The following UBAP2 variants were observed in gnomAD, a reference collection of about 807,000 sequenced individuals.
The protein encoded by UBAP2 is ubiquitin associated protein 2, also known as ubiquitin-associated protein 2.
Under a neutral mutation model 139.6 loss-of-function variants are expected in UBAP2, and 75 were observed. The observed-to-expected ratio is 0.54, with a 90% confidence interval of 0.45 to 0.65. The LOEUF (loss-of-function observed/expected upper bound fraction) is 0.65, where lower values mean the gene tolerates loss of function less well. Ranked by LOEUF, UBAP2 falls within the 30% of genes least tolerant of loss-of-function variation. UBAP2 has a pLI of 0.00. For missense variants in UBAP2, 1,368 were observed against 1,369.6 expected (o/e 1.00, Z 0.02); for synonymous variants, 526 against 526.2 (o/e 1.00, Z 0.01).
At position 33,927,873 on chromosome 9, in the gene UBAP2, C is replaced by T. The variant is rs761575885; in HGVS notation, c.2295G>A (p.Ala765=). ...GGGTCCCACCCAGACAGAGGCTGTT[C>T]GCGGTGTTCATGCTACTGGACAGGC... The part of the protein sequence containing the change: ...GASLSSSMNT[A]NSLCLGGTPA... The change falls in exon 20 of 29, where the codon GCG becomes GCA. Residue 765 remains alanine (A), a synonymous_variant. Coordinates refer to ENST00000379238, the MANE Select transcript of UBAP2 (RefSeq NM_001370062.2). The T allele has an allele frequency of 9.3e-5, 150 of 1,614,100 alleles. No individual in the cohort carries two copies. Among genetic ancestry groups the T allele is most frequent in the Non-Finnish European group, 1.2e-4 (145 of 1,180,046 alleles).
At chr9:34,003,832 G>A (rs1822943354) in intron 2 of UBAP2, among the ~76,000 whole-genome samples, 1 of 152,126 alleles carries the variant, frequency 6.6e-6, no homozygotes, top group Non-Finnish European at 1.5e-5. Context: ...CAATTCTAGT[G>A]TCTCAGCCTC....
At chr9:33,934,056 G>C (rs969292127) in intron 17 of UBAP2, 1 of 168,674 alleles carries the variant, frequency 5.9e-6, no homozygotes, top group Non-Finnish European at 1.3e-5. Context: ...CCACCTACAC[G>C]TGCTTCCGCC....
intron 12 of UBAP2, 68 bp from the exon 13 acceptor site, chr9:33,948,655 A>G: frequency 7.9e-7 from 1 of 1,273,546 alleles, no homozygotes; most frequent in Non-Finnish European, 1.1e-6. Flanking sequence ...TTTAAAACAT[A>G]TCAAGTATTT....
At chr9:33,997,157 G>C (rs1190537947) in intron 3 of UBAP2, 1 of 152,110 alleles carries the variant, frequency 6.6e-6, no homozygotes, top group East Asian at 1.9e-4. Context: ...ATTTTCTCAA[G>C]GATCTTCAAC....
At chr9:33,938,033 T>C (rs1376445037) in intron 16 of UBAP2, among the ~76,000 whole-genome samples, 2 of 152,182 alleles carry the variant, frequency 1.3e-5, no homozygotes, top group Admixed American at 6.5e-5. Flanking sequence ...TGTCTGGCTC[T>C]GTCACCCAGG....
intron 1 of UBAP2, among the ~76,000 whole-genome samples, chr9:34,043,046 C>T (rs559305365): frequency 2.0e-5 from 3 of 152,128 alleles, no homozygotes; most frequent in Non-Finnish European, 2.9e-5. Context: ...CCATCCTGGG[C>T]GACAAAGCAA....
intron 6 of UBAP2, among the ~76,000 whole-genome samples, chr9:33,975,449 A>C (rs112174555): frequency 0.16 from 22,695 of 146,402 alleles, 1,903 homozygotes; most frequent in South Asian, 0.32. Flanking sequence ...AAAAAACAAA[A>C]AAAAAACCAA....
intron 2 of UBAP2, among the ~76,000 whole-genome samples, chr9:34,009,321 AC>A (rs1380706902): frequency 1.3e-5 from 2 of 151,966 alleles, no homozygotes; most frequent in African/African-American, 4.8e-5. Flanking sequence ...CTGGTCTCGA[AC>A]CCCTGGCCTC....
intron 1 of UBAP2, among the ~76,000 whole-genome samples, chr9:34,019,719 ACACACG>A (rs1015633181): frequency 1.3e-5 from 2 of 149,672 alleles, no homozygotes; most frequent in African/African-American, 4.9e-5. Context: ...ACACACACAC[ACACACG>A]CACAGAAAAA....
intron 19 of UBAP2, among the ~76,000 whole-genome samples, chr9:33,929,898 G>C (rs772347356): frequency 5.8e-4 from 88 of 152,228 alleles, no homozygotes; most frequent in Admixed American, 2.1e-3. Context: ...CAGCTACTAG[G>C]GAGGCTGAGG....
intron 6 of UBAP2, among the ~76,000 whole-genome samples, chr9:33,985,668 T>C (rs756056763): frequency 6.6e-6 from 1 of 151,788 alleles, no homozygotes; most frequent in Non-Finnish European, 1.5e-5. Context: ...GAGAAGGTGA[T>C]GGGTATAGAG....
At chr9:33,998,983 A>C in intron 2 of UBAP2, 119 bp from the exon 3 acceptor site, 1 of 741,570 alleles carries the variant, frequency 1.3e-6, no homozygotes, top group Non-Finnish European at 2.2e-6. Context: ...CAACAAATAA[A>C]AGACAGTGAA....
intron 8 of UBAP2, chr9:33,968,129 C>A (rs1284429633): frequency 1.9e-6 from 1 of 539,472 alleles, no homozygotes; most frequent in Non-Finnish European, 3.6e-6. Flanking sequence ...CATAAAAAAA[C>A]TCAACAGGAC....
At chr9:33,935,554 AC>A in intron 17 of UBAP2, 1 of 429,510 alleles carries the variant, frequency 2.3e-6, no homozygotes, top group South Asian at 2.8e-5. Context: ...GGCATCAGCC[AC>A]CCCGCCTGGC....
chr9:34,026,461 T>G (rs145247571), intron 1 of UBAP2, among the ~76,000 whole-genome samples: 45 of 152,300 alleles, frequency 3.0e-4, no homozygotes, highest in Middle Eastern at 3.4e-3. Context: ...ACAATTTATG[T>G]TAAAGAAGCA....
chr9:33,960,107 A>T (rs1335660638), intron 10 of UBAP2, among the ~76,000 whole-genome samples: 11 of 145,684 alleles, frequency 7.6e-5, no homozygotes, highest in East Asian at 4.0e-4. Flanking sequence ...TTTTTTTATT[A>T]TTTTTTTTTT....
intron 1 of UBAP2, among the ~76,000 whole-genome samples, chr9:34,020,195 G>C (rs1824803951): frequency 6.7e-6 from 1 of 150,208 alleles, no homozygotes; most frequent in South Asian, 2.1e-4. Context: ...ACACACATTA[G>C]TCTAGGCCTA....
chr9:33,960,654 T>A (rs1202760349), intron 10 of UBAP2, among the ~76,000 whole-genome samples, 172 bp downstream of exon 10: 1 of 151,546 alleles, frequency 6.6e-6, no homozygotes, highest in Non-Finnish European at 1.5e-5. Context: ...GTGGCGCACA[T>A]CTGTAATCCC....
chr9:34,028,128 C>T (rs1364407965), intron 1 of UBAP2, among the ~76,000 whole-genome samples: 1 of 151,856 alleles, frequency 6.6e-6, no homozygotes, highest in Non-Finnish European at 1.5e-5. Context: ...CTCCCCTACA[C>T]CCACACTTCG....
Sources: gnomAD v4.1 joint callset for allele counts (sites outside exome capture counted in the v4.1 genomes callset) on GRCh38, gnomAD v4.1.1 for gene constraint, MANE v1.5 for transcripts, NCBI Gene and HGNC (gene_info 2026-07-23, HGNC 2026-07-21) for gene names.